STRC: variants seen among roughly 807,000 people sequenced by gnomAD.
The protein encoded by STRC is stereocilin.
A neutral mutation model predicts 103.5 loss-of-function variants in STRC; 43 were observed. The ratio of observed to expected loss-of-function variants is 0.42; its 90% CI spans 0.33 to 0.54. STRC has a LOEUF of 0.54. STRC is among the 20% of genes least tolerant of loss of function. STRC has a pLI of 0.14. For synonymous variants in STRC, 186 were observed against 442.3 expected, an observed-to-expected ratio of 0.42 and a Z score of 7.27; for missense variants, 499 against 1,088.5, an observed-to-expected ratio of 0.46 and a Z score of 7.62.
At chr15:43,603,014 G>GA (rs1398236138) in intron 23 of STRC, among the ~76,000 whole-genome samples, 1 of 151,986 alleles carries the variant, frequency 6.6e-6, no homozygotes, top group East Asian at 1.9e-4. Flanking sequence ...TGATGATCGT[G>GA]ATATGCATTA....
chr15:43,601,904 G>A (rs1486870859), intron 23 of STRC, among the ~76,000 whole-genome samples: 2 of 151,672 alleles, frequency 1.3e-5, no homozygotes, highest in South Asian at 2.1e-4. Flanking sequence ...AGGATTGCTT[G>A]AGCCCAGAAG....
chr15:43,603,590 A>C, intron 22 of STRC, 179 bp from the exon 23 acceptor site: 1 of 742,254 alleles, frequency 1.3e-6, no homozygotes, highest in East Asian at 2.7e-5. Flanking sequence ...ACAAGAAGTG[A>C]TTGGAGATGC....
intron 18 of STRC, among the ~76,000 whole-genome samples, chr15:43,606,227 T>C (rs1402252539): frequency 1.8e-5 from 1 of 54,548 alleles, no homozygotes; most frequent in Non-Finnish European, 4.1e-5. Flanking sequence ...GTCTAGGATC[T>C]TTCACCTCAT....
At position 43,605,403 on chromosome 15, in the gene STRC, T is replaced by C; in HGVS notation, c.3795-4A>G. 2 of 1,600,060 alleles carry C rather than the reference T, an allele frequency of 1.2e-6. No individual in the cohort carries two copies. The highest frequency in any genetic ancestry group is 1.7e-6 in the Non-Finnish European group (2 of 1,171,986). On this transcript the variant is annotated splice_polypyrimidine_tract_variant and splice_region_variant and intron_variant, in intron 18 of 28. Coordinates refer to ENST00000450892, the MANE Select transcript of STRC (RefSeq NM_153700.2). ...TAGTCTGTCCATCAACTGGATCCTA[T>C]TACAGCAATTTGACAACAACAGGAT...
intron 21 of STRC, 64 bp from the exon 22 acceptor site, chr15:43,604,216 C>G: frequency 1.2e-6 from 2 of 1,605,356 alleles, no homozygotes; most frequent in Admixed American, 3.4e-5. Flanking sequence ...TGCTATAGCT[C>G]TAAGTCCAAA....
rs141300494 is a variant in STRC, at chr15:43,603,612, T to C, written c.4376-201A>G. On this transcript the variant is annotated intron_variant, in intron 22 of 28. Coordinates refer to ENST00000450892, the MANE Select transcript of STRC (RefSeq NM_153700.2). ...GTGATTGGAGATGCCAAGACTTTTATAGATGGAAGACTGAGGATGTTATTC... is the reference window on the plus strand; with the variant it reads ...GTGATTGGAGATGCCAAGACTTTTACAGATGGAAGACTGAGGATGTTATTC... The C allele has an allele frequency of 5.0e-3, 3,440 of 682,786 alleles. 48 individuals are homozygous for C. The highest frequency in any genetic ancestry group is 0.016 in the Middle Eastern group (51 of 3,204). 42.3% of individuals were successfully genotyped at this position (682,786 alleles called of 1,614,324 possible). A position where few individuals can be genotyped will look rare whatever the true frequency, so the allele number is the denominator to read the frequency against.
chr15:43,606,531 G>T (rs2085711395), intron 18 of STRC, among the ~76,000 whole-genome samples: 1 of 150,648 alleles, frequency 6.6e-6, no homozygotes, highest in African/African-American at 2.5e-5. Context: ...ACCCCAGAGG[G>T]AGAGGTTGCA....
chr15:43,604,293 G>A (rs535994338), intron 21 of STRC, 68 bp downstream of exon 21: 45 of 1,591,408 alleles, frequency 2.8e-5, no homozygotes, highest in African/African-American at 8.0e-5. Context: ...CTTTGGCCAC[G>A]GGTCCCCATA....
rs369886929 is a variant in STRC, at chr15:43,601,372, C to G, written c.4701+24G>C. On this transcript the variant is annotated intron_variant, in intron 24 of 28. Coordinates refer to ENST00000450892, the MANE Select transcript of STRC (RefSeq NM_153700.2). ...TCTGTGGGATGGGTGTTTGGGAAGC[C>G]GTAGGGAGGAGGAAAAGTGTTACCT... is the stretch of plus-strand genomic sequence containing the variant. The G allele has an allele frequency of 5.6e-4, 896 of 1,612,052 alleles. 9 individuals are homozygous for G. The highest frequency in any genetic ancestry group is 4.9e-3 in the East Asian group (219 of 44,818).
At chr15:43,608,816 C>T (rs2085729459) in intron 16 of STRC, among the ~76,000 whole-genome samples, 1 of 150,212 alleles carries the variant, frequency 6.7e-6, no homozygotes, top group Non-Finnish European at 1.5e-5. Context: ...TTTATTCTTG[C>T]TTGGCCAGTG....
chr15:43,608,690 C>T (rs2085728156), intron 16 of STRC, among the ~76,000 whole-genome samples: 1 of 127,178 alleles, frequency 7.9e-6, no homozygotes, highest in Admixed American at 7.9e-5. Context: ...CGCGCCACTG[C>T]ACTCCAGCCT....
At position 43,611,127 on chromosome 15, in the gene STRC, T is replaced by A. The variant is rs2085745594; in HGVS notation, c.3306+21A>T. Reference sequence around the variant, plus strand: ...AGAGCCGGTATCCCTGATTATCTCATCCTCCTTGCCACTCTCATACCCGAA... The same window carrying A: ...AGAGCCGGTATCCCTGATTATCTCAACCTCCTTGCCACTCTCATACCCGAA... On this transcript the variant is annotated intron_variant, in intron 13 of 28. Coordinates refer to ENST00000450892, the MANE Select transcript of STRC (RefSeq NM_153700.2). 21 of 1,423,784 alleles carry A rather than the reference T, an allele frequency of 1.5e-5. 1 individual carries two copies. The highest frequency in any genetic ancestry group is 2.0e-5 in the Admixed American group (1 of 49,946). 88.2% of individuals were successfully genotyped at this position (1,423,784 alleles called of 1,614,324 possible).
rs2597064 is a variant in STRC at position 43,609,278 on chromosome 15, C to T, written c.3555G>A (p.Leu1185=). 1.2e-4 allele frequency: 192 copies of T among 1,609,782 alleles called. 2 individuals are homozygous for T. Among genetic ancestry groups the T allele is most frequent in the East Asian group, 3.6e-4 (16 of 44,424 alleles). The stretch of plus-strand genomic sequence containing the variant: ...ACTGCTCAACACAAGTTACTCACTG[C>T]AGATTCCTGAGGGTAAGGTTGGTGG... The part of the protein sequence containing the change: ...QVPTNLTLRN[L]QALGTLAGGM... The change falls in exon 16 of 29, where the codon CTG becomes CTA. Residue 1185 remains leucine, a splice_region_variant and synonymous_variant. Coordinates refer to ENST00000450892, the MANE Select transcript of STRC (RefSeq NM_153700.2).
rs1356443428 is a variant in STRC at position 43,607,998 on chromosome 15, C to T, written c.3682-23G>A. 9 of 1,610,872 alleles carry T rather than the reference C, an allele frequency of 5.6e-6. 1 individual carries two copies. The African/African-American group carries it at 1.2e-4, about 22-fold the overall frequency. ...CCTCTGTAGGGAAGCAGTGTGAGGC[C>T]AGAGCAGAACATAGGAGCTGGGTTC... On this transcript the variant is annotated intron_variant, in intron 17 of 28. Transcript: ENST00000450892.
intron 19 of STRC, 31 bp downstream of exon 19, chr15:43,605,233 C>A (rs1462834100): frequency 6.3e-7 from 1 of 1,577,890 alleles, no homozygotes; most frequent in East Asian, 2.3e-5. Context: ...CCCAGGGCAG[C>A]AAATCTGAGT....
chr15:43,601,428 G>A lies in STRC; in HGVS notation c.4669C>T (p.Leu1557=). 15 of 1,613,746 alleles carry A rather than the reference G, an allele frequency of 9.3e-6. No individual in the cohort carries two copies. The highest frequency in any genetic ancestry group is 1.3e-5 in the Non-Finnish European group (15 of 1,179,848). ...ILVDWGVLST[L]GQIDGWSTTQ... ...GTGCTCCAGCCATCTATCTGCCCCA[G>A]GGTGCTCAGCACTCCCCAGTCCACT... Residue 1557 remains leucine (L), a synonymous_variant, in exon 24 of 29, where the codon CTG becomes TTG. Transcript: ENST00000450892.
chr15:43,609,184 C>T (rs1265301534), intron 16 of STRC, 92 bp downstream of exon 16: 1 of 1,284,188 alleles, frequency 7.8e-7, no homozygotes, highest in Non-Finnish European at 1.1e-6. Flanking sequence ...TCCCTATATC[C>T]CCCATTCCAT....
intron 16 of STRC, among the ~76,000 whole-genome samples, chr15:43,608,875 G>A (rs369556165): frequency 9.9e-5 from 15 of 151,076 alleles, no homozygotes; most frequent in Middle Eastern, 3.4e-3. Flanking sequence ...TGACTACTGG[G>A]ACTTTACAAT....
At chr15:43,605,524 G>A in intron 18 of STRC, 125 bp from the exon 19 acceptor site, 1 of 1,506,710 alleles carries the variant, frequency 6.6e-7, no homozygotes, top group Non-Finnish European at 9.0e-7. Context: ...AGCTGGACAG[G>A]AACTGATAGT....
Sources: allele counts gnomAD v4.1 joint callset (sites outside exome capture counted in the v4.1 genomes callset), GRCh38; gene constraint gnomAD v4.1.1; transcripts MANE v1.5; gene names NCBI Gene and HGNC (gene_info 2026-07-23, HGNC 2026-07-21).